The following ZFAND3 variants were observed in gnomAD, a reference collection of about 807,000 sequenced individuals.
The protein encoded by ZFAND3 is zinc finger AN1-type containing 3.
In ZFAND3, 10 loss-of-function variants were observed where a neutral mutation model predicts 29.6. The ratio of observed to expected loss-of-function variants is 0.34; its 90% CI spans 0.21 to 0.57. ZFAND3 has a LOEUF of 0.57. ZFAND3 is among the 20% of genes least tolerant of loss of function. The probability of loss-of-function intolerance (pLI) is 0.86; values close to 1 mark genes in which losing one functional copy is unlikely to be tolerated. For missense variants in ZFAND3, 230 were observed against 304.5 expected (o/e 0.76, Z 1.82); for synonymous variants, 128 against 112.6 (o/e 1.14, Z -0.87).
In ZFAND3 at chr6:38,117,087, T is replaced by C. The variant is rs150220222; in HGVS notation, c.529+348T>C. 4.9e-4 allele frequency among the ~76,000 whole-genome samples: 75 copies of C among 152,302 alleles called. 1 individual carries two copies. In the East Asian group the frequency reaches 0.011, roughly 22 times the overall value. ...GAAGTTTACCAAACAAGCAAAATTCTGGAGTATGTACCATAAAATTCAGAT... is the reference window on the plus strand; with the variant it reads ...GAAGTTTACCAAACAAGCAAAATTCCGGAGTATGTACCATAAAATTCAGAT... On this transcript the variant is annotated intron_variant, in intron 5 of 5. Coordinates refer to ENST00000287218, the MANE Select transcript of ZFAND3 (RefSeq NM_021943.3).
At chr6:37,955,734 C>G (rs1384838622) in intron 2 of ZFAND3, among the ~76,000 whole-genome samples, 6 of 152,178 alleles carry the variant, frequency 3.9e-5, no homozygotes, top group Non-Finnish European at 7.3e-5. Flanking sequence ...AGGCAAATAG[C>G]CTCTTCCTGG....
At chr6:37,963,191 C>T (rs1762229633) in intron 2 of ZFAND3, among the ~76,000 whole-genome samples, 1 of 152,192 alleles carries the variant, frequency 6.6e-6, no homozygotes, top group Non-Finnish European at 1.5e-5. Context: ...ATTCCGGACA[C>T]ATGTAGCCTA....
chr6:37,971,965 G>A (rs1350693443), intron 2 of ZFAND3, among the ~76,000 whole-genome samples: 3 of 151,462 alleles, frequency 2.0e-5, no homozygotes, highest in South Asian at 2.1e-4. Context: ...ATAGAACAAG[G>A]CCCTGTCTCA....
chr6:37,843,583 A>C (rs756450682), intron 1 of ZFAND3, among the ~76,000 whole-genome samples: 23 of 152,010 alleles, frequency 1.5e-4, no homozygotes, highest in Admixed American at 1.2e-3. Flanking sequence ...CAGATCTGAG[A>C]GCTAATAGGA....
intron 1 of ZFAND3, among the ~76,000 whole-genome samples, chr6:37,828,784 G>A (rs960093557): frequency 6.6e-5 from 10 of 152,000 alleles, no homozygotes; most frequent in Non-Finnish European, 1.2e-4. Flanking sequence ...CCGAGTAGCT[G>A]GGACTACAGG....
At chr6:37,939,360 C>A (rs1258954211) in intron 2 of ZFAND3, among the ~76,000 whole-genome samples, 4 of 152,184 alleles carry the variant, frequency 2.6e-5, no homozygotes, top group African/African-American at 7.2e-5. Flanking sequence ...TCCACATGGC[C>A]TTCTCCCCTG....
chr6:37,834,838 G>T (rs1581696391), intron 1 of ZFAND3, among the ~76,000 whole-genome samples: 1 of 122,450 alleles, frequency 8.2e-6, no homozygotes, highest in Non-Finnish European at 1.7e-5. Context: ...ATATATGTGT[G>T]TATGCATGTA....
chr6:38,140,616 A>G (rs1765929973), intron 5 of ZFAND3, among the ~76,000 whole-genome samples: 1 of 152,100 alleles, frequency 6.6e-6, no homozygotes, highest in Non-Finnish European at 1.5e-5. Context: ...CAGCCCCACA[A>G]AATGCTGGGC....
intron 2 of ZFAND3, among the ~76,000 whole-genome samples, chr6:38,037,717 C>G (rs950443241): frequency 2.6e-5 from 4 of 152,048 alleles, no homozygotes; most frequent in Admixed American, 1.3e-4. Flanking sequence ...GGGCTGAAGA[C>G]TTCTTGGGCC....
rs12661109 is a variant in ZFAND3, at chr6:38,019,225, T to C, written c.113-42368T>C. Among the ~76,000 whole-genome samples, 2,549 of 152,336 alleles carry C rather than the reference T, an allele frequency of 0.017. 256 individuals are homozygous for C. In the East Asian group the frequency reaches 0.28, roughly 17 times the overall value. On this transcript the variant is annotated intron_variant, in intron 2 of 5. Coordinates refer to ENST00000287218, the MANE Select transcript of ZFAND3 (RefSeq NM_021943.3). The stretch of plus-strand genomic sequence containing the variant: ...CACCCACCTCGGCCTCCCAAAGTGC[T>C]GGGATTACAGGCATGAGGCACCACA...
intron 2 of ZFAND3, among the ~76,000 whole-genome samples, chr6:38,048,665 A>G (rs1000773433): frequency 1.3e-5 from 2 of 149,172 alleles, no homozygotes; most frequent in Non-Finnish European, 3.0e-5. Flanking sequence ...GGGCAGCTGC[A>G]TTATCTGCCA....
In ZFAND3 at chr6:37,929,946, T is replaced by G; in HGVS notation, c.72-13T>G. 4 of 1,590,236 alleles carry G rather than the reference T, an allele frequency of 2.5e-6. No homozygotes were observed. Among genetic ancestry groups the G allele is most frequent in the Non-Finnish European group, 2.6e-6 (3 of 1,170,908 alleles). On this transcript the variant is annotated splice_polypyrimidine_tract_variant and intron_variant, in intron 1 of 5. Coordinates refer to ENST00000287218, the MANE Select transcript of ZFAND3 (RefSeq NM_021943.3). ...TAGCTCTTCTTTCTTTCTTTTCTTT[T>G]TGTTTGCCCCAGGTCCAGCAAGACT...
intron 3 of ZFAND3, among the ~76,000 whole-genome samples, chr6:38,063,715 G>A (rs1273621942): frequency 6.6e-6 from 1 of 152,174 alleles, no homozygotes; most frequent in Non-Finnish European, 1.5e-5. Flanking sequence ...AGACAAGGCT[G>A]GAAGGGTAAG....
At chr6:37,912,361 T>A (rs1561931519) in intron 1 of ZFAND3, among the ~76,000 whole-genome samples, 1 of 152,174 alleles carries the variant, frequency 6.6e-6, no homozygotes, top group Non-Finnish European at 1.5e-5. Context: ...AAAACTTGAT[T>A]AAATTTCAGA....
intron 2 of ZFAND3, among the ~76,000 whole-genome samples, chr6:38,044,448 C>A (rs1170667429): frequency 6.6e-6 from 1 of 151,980 alleles, no homozygotes; most frequent in Non-Finnish European, 1.5e-5. Context: ...GGTCCTTTGG[C>A]CATCTTGCAG....
intron 5 of ZFAND3, among the ~76,000 whole-genome samples, chr6:38,128,914 T>C (rs1765689246): frequency 6.6e-6 from 1 of 152,194 alleles, no homozygotes; most frequent in Non-Finnish European, 1.5e-5. Flanking sequence ...TTAAGGAACC[T>C]CCACACTGTT....
chr6:38,052,048 G>T (rs1183313704), intron 2 of ZFAND3, among the ~76,000 whole-genome samples: 1 of 152,178 alleles, frequency 6.6e-6, no homozygotes, highest in African/African-American at 2.4e-5. Flanking sequence ...TCTAGAGAAT[G>T]TATAATTTCA....
At chr6:38,000,947 C>G (rs1160463584) in intron 2 of ZFAND3, among the ~76,000 whole-genome samples, 1 of 152,060 alleles carries the variant, frequency 6.6e-6, no homozygotes, top group Non-Finnish European at 1.5e-5. Flanking sequence ...ATGCTTCTTT[C>G]TTTTTAGAAG....
chr6:38,079,941 T>C (rs1764627831), intron 3 of ZFAND3, among the ~76,000 whole-genome samples: 1 of 152,052 alleles, frequency 6.6e-6, no homozygotes, highest in East Asian at 1.9e-4. Flanking sequence ...TAATCTATGG[T>C]TGTTACATAG....
Sources: allele counts gnomAD v4.1 joint callset (sites outside exome capture counted in the v4.1 genomes callset), GRCh38; gene constraint gnomAD v4.1.1; transcripts MANE v1.5; gene names NCBI Gene and HGNC (gene_info 2026-07-23, HGNC 2026-07-21).